USP28: variants seen among roughly 807,000 people sequenced by gnomAD.
USP28 encodes the protein ubiquitin carboxyl-terminal hydrolase 28.
Under a neutral mutation model 145.0 loss-of-function variants are expected in USP28, and 113 were observed. The observed-to-expected ratio is 0.78, with a 90% CI of 0.67 to 0.91. The LOEUF (loss-of-function observed/expected upper bound fraction) is 0.91. USP28 is among the 40% of genes least tolerant of loss of function. USP28 has a pLI of 0.00. For synonymous variants in USP28, 447 were observed against 450.9 expected, an observed-to-expected ratio of 0.99 and a Z score of 0.11; for missense variants, 1,201 against 1,289.6, an observed-to-expected ratio of 0.93 and a Z score of 1.05.
intron 17 of USP28, 99 bp from the exon 18 acceptor site, chr11:113,808,536 C>G (rs1265366769): frequency 7.9e-7 from 1 of 1,263,840 alleles, no homozygotes; most frequent in African/African-American, 1.5e-5. Flanking sequence ...AATATACAAC[C>G]CTGTTAACAC....
At chr11:113,841,811 C>T (rs1438316856) in intron 3 of USP28, 43 bp from the exon 4 acceptor site, 4 of 1,323,502 alleles carry the variant, frequency 3.0e-6, no homozygotes, top group African/African-American at 1.5e-5. Context: ...ATATAGGAAA[C>T]ACTGCCCTTC....
At chr11:113,842,153 TACTCCTCA>T (rs1945265923) in intron 3 of USP28, among the ~76,000 whole-genome samples, 1 of 152,014 alleles carries the variant, frequency 6.6e-6, no homozygotes, top group Non-Finnish European at 1.5e-5. Flanking sequence ...AATAGGGATA[TACTCCTCA>T]ACTAGTTAAG....
intron 1 of USP28, among the ~76,000 whole-genome samples, chr11:113,873,918 G>A (rs1176332433): frequency 2.0e-5 from 3 of 151,716 alleles, no homozygotes; most frequent in East Asian, 3.9e-4. Context: ...CGAGGCGGGC[G>A]GATCATGAGG....
At chr11:113,811,183 T>G (rs1046883955) in intron 16 of USP28, among the ~76,000 whole-genome samples, 2 of 152,220 alleles carry the variant, frequency 1.3e-5, no homozygotes, top group African/African-American at 4.8e-5. Context: ...TTACTCAACT[T>G]TAGAACCCTT....
chr11:113,856,973 T>C (rs1947114064), intron 1 of USP28, among the ~76,000 whole-genome samples: 1 of 152,220 alleles, frequency 6.6e-6, no homozygotes, highest in African/African-American at 2.4e-5. Context: ...TACTTAGTAG[T>C]GCAATCTGTT....
chr11:113,872,239 A>G (rs1948891711), intron 1 of USP28, among the ~76,000 whole-genome samples: 1 of 152,200 alleles, frequency 6.6e-6, no homozygotes, highest in Non-Finnish European at 1.5e-5. Context: ...TCTTAAAAAT[A>G]CTGTTTGCAG....
intron 16 of USP28, among the ~76,000 whole-genome samples, chr11:113,811,604 C>T (rs942156560): frequency 4.6e-5 from 7 of 152,114 alleles, no homozygotes; most frequent in Non-Finnish European, 8.8e-5. Flanking sequence ...AGGAGAATCA[C>T]TTCAACCTGG....
chr11:113,832,357 GCC>G (rs1481688786), intron 7 of USP28, among the ~76,000 whole-genome samples: 2 of 152,142 alleles, frequency 1.3e-5, no homozygotes, highest in Non-Finnish European at 2.9e-5. Flanking sequence ...TGATCCACCT[GCC>G]TCGGCGTCGC....
intron 3 of USP28, among the ~76,000 whole-genome samples, chr11:113,847,595 A>G (rs997944484): frequency 1.3e-5 from 2 of 152,206 alleles, no homozygotes; most frequent in African/African-American, 2.4e-5. Context: ...AAATTTCTAC[A>G]TGGGGTATTT....
chr11:113,832,938 T>C (rs2428016), intron 7 of USP28, among the ~76,000 whole-genome samples: 9,831 of 152,150 alleles, frequency 0.065, 431 homozygotes, highest in Non-Finnish European at 0.089. Context: ...GCCCGGCTAT[T>C]TTTTAATAGG....
chr11:113,829,500 T>C, intron 9 of USP28, 155 bp from the exon 10 acceptor site: 1 of 828,416 alleles, frequency 1.2e-6, no homozygotes, highest in South Asian at 1.8e-5. Context: ...AGTGAGCCAG[T>C]CAATCTAGAC....
exon 14 of USP28, chr11:113,815,352 A>G: frequency 6.2e-7 from 1 of 1,614,192 alleles, no homozygotes. Context: ...AGGTACTTTC[A>G]ACATCCTGAG....
intron 1 of USP28, among the ~76,000 whole-genome samples, chr11:113,873,384 T>C (rs1016100576): frequency 1.3e-5 from 2 of 152,184 alleles, no homozygotes; most frequent in Non-Finnish European, 2.9e-5. Context: ...TGGCCAGGAA[T>C]CGGAGTACTC....
chr11:113,848,752 G>A (rs1369384088), intron 3 of USP28, among the ~76,000 whole-genome samples: 1 of 152,142 alleles, frequency 6.6e-6, no homozygotes, highest in African/African-American at 2.4e-5. Flanking sequence ...AAAACAGAAG[G>A]CATGTAAACT....
In USP28 at chr11:113,832,861, C is replaced by T. The variant is rs372827110; in HGVS notation, c.759+559G>A. 2.0e-5 allele frequency among the ~76,000 whole-genome samples: 3 copies of T among 152,126 alleles called. No homozygotes were observed. The East Asian group carries it at 5.8e-4, about 29-fold the overall frequency. ...TCACAGCTTATTGCAGCCTCAAACT[C>T]CTGGGTTCCAGGGATCTTCCTGCCT... On this transcript the variant is annotated intron_variant, in intron 7 of 24. Coordinates refer to ENST00000003302, the Ensembl canonical transcript of USP28.
intron 19 of USP28, among the ~76,000 whole-genome samples, chr11:113,805,627 T>C (rs770789302): frequency 2.0e-5 from 3 of 152,238 alleles, no homozygotes; most frequent in Admixed American, 6.5e-5. Flanking sequence ...TTAATTGTTA[T>C]AAAAGGCAGA....
exon 25 of USP28, chr11:113,799,135 T>C (rs1938455736): frequency 7.7e-7 from 1 of 1,296,710 alleles, no homozygotes. Context: ...ATCGGAATCT[T>C]ATGTGCCCAC....
intron 3 of USP28, 54 bp from the exon 4 acceptor site, chr11:113,841,822 T>G: frequency 8.0e-7 from 1 of 1,246,124 alleles, no homozygotes; most frequent in Middle Eastern, 2.1e-4. Context: ...ACTGCCCTTC[T>G]GTAATATAAG....
Position 113,804,916 on chromosome 11 carries a change from C to T in USP28, c.2531G>A (p.Arg844Gln), listed in dbSNP as rs202189056. The T allele has an allele frequency of 5.4e-5, 87 of 1,614,056 alleles. No homozygotes were observed. In the Admixed American group the frequency reaches 1.0e-3, roughly 19 times the overall value. ...ATCTGCAAACTGTTCCAGAAGGGTTCGTTCTACTACCCTTTTGGGTGCTTC... is the reference window on the plus strand; with the variant it reads ...ATCTGCAAACTGTTCCAGAAGGGTTTGTTCTACTACCCTTTTGGGTGCTTC... The change falls in exon 20 of 25, where the codon CGA becomes CAA. Residue 844 changes from arginine to glutamine, a missense_variant. By Grantham distance (43) the Arg-to-Gln change is conservative. Transcript: ENST00000003302.
Sources: gnomAD v4.1 joint callset for allele counts (sites outside exome capture counted in the v4.1 genomes callset) on GRCh38, gnomAD v4.1.1 for gene constraint, MANE v1.5 for transcripts, NCBI Gene and HGNC (gene_info 2026-07-23, HGNC 2026-07-21) for gene names.